SLC39A11: variants seen among roughly 807,000 people sequenced by gnomAD.
SLC39A11 encodes the protein solute carrier family 39 member 11.
A neutral mutation model predicts 36.1 loss-of-function variants in SLC39A11; 33 were observed. That is an observed-to-expected ratio of 0.91 (90% CI 0.69 to 1.22). The LOEUF is 1.22. Among genes scored for constraint, SLC39A11 ranks in the 50% most tolerant of loss-of-function variants. The pLI, the probability that SLC39A11 is intolerant of heterozygous loss-of-function variation, is 0.00. For missense variants in SLC39A11, 432 were observed against 430.3 expected, an observed-to-expected ratio of 1.00 and a Z score of -0.03; for synonymous variants, 166 against 170.3, an observed-to-expected ratio of 0.97 and a Z score of 0.20.
chr17:73,042,941 C>T (rs183620249), intron 3 of SLC39A11, among the ~76,000 whole-genome samples: 9 of 152,250 alleles, frequency 5.9e-5, no homozygotes, highest in East Asian at 1.9e-4. Context: ...GACTGTTACA[C>T]GGCCAACACT....
chr17:73,085,404 G>T (rs570750897), intron 2 of SLC39A11, among the ~76,000 whole-genome samples: 71 of 152,162 alleles, frequency 4.7e-4, no homozygotes, highest in African/African-American at 1.6e-3. Context: ...CCAGCACTTT[G>T]CGAGGCCAAG....
chr17:72,669,762 G>A (rs974358995), intron 7 of SLC39A11, among the ~76,000 whole-genome samples: 3 of 152,028 alleles, frequency 2.0e-5, no homozygotes, highest in Non-Finnish European at 2.9e-5. Flanking sequence ...GAGAGACTGA[G>A]GGGGGCAGAC....
At chr17:72,917,981 G>A (rs984073471) in intron 5 of SLC39A11, among the ~76,000 whole-genome samples, 30 of 152,294 alleles carry the variant, frequency 2.0e-4, no homozygotes, top group East Asian at 5.8e-4. Flanking sequence ...TCACCTCATC[G>A]GCACTGTTAC....
chr17:73,031,799 G>C, intron 3 of SLC39A11, 85 bp from the exon 4 acceptor site: 4 of 1,362,202 alleles, frequency 2.9e-6, no homozygotes, highest in Non-Finnish European at 4.0e-6. Context: ...CTGTGGCCCA[G>C]ATTGACCCCT....
chr17:72,718,242 G>A (rs2073491981), intron 7 of SLC39A11, among the ~76,000 whole-genome samples: 3 of 152,186 alleles, frequency 2.0e-5, no homozygotes, highest in East Asian at 3.9e-4. Context: ...GAGGTCAGGA[G>A]TTTGAGACCT....
chr17:72,720,764 C>T (rs549468541), intron 7 of SLC39A11, among the ~76,000 whole-genome samples: 111 of 152,274 alleles, frequency 7.3e-4, no homozygotes, highest in South Asian at 1.5e-3. Flanking sequence ...AACAGAGGCA[C>T]ATAAGAAAAG....
intron 7 of SLC39A11, among the ~76,000 whole-genome samples, chr17:72,656,791 G>A (rs78746125): frequency 0.11 from 16,810 of 152,068 alleles, 1,036 homozygotes; most frequent in African/African-American, 0.16. Flanking sequence ...AGCATTGGGG[G>A]AATCAGGGTT....
At chr17:72,820,786 TG>T (rs2077745976) in intron 6 of SLC39A11, among the ~76,000 whole-genome samples, 1 of 150,222 alleles carries the variant, frequency 6.7e-6, no homozygotes, top group Non-Finnish European at 1.5e-5. Flanking sequence ...GTGAAAAGAA[TG>T]GGGCAGAAAC....
At chr17:72,835,388 G>A (rs918912010) in intron 6 of SLC39A11, among the ~76,000 whole-genome samples, 4 of 152,198 alleles carry the variant, frequency 2.6e-5, no homozygotes, top group Non-Finnish European at 5.9e-5. Context: ...GTGGGTGGTA[G>A]AGTTTGGGGG....
In SLC39A11 at chr17:72,900,184, A is replaced by G. The variant is rs562958801; in HGVS notation, c.430+47568T>C. Reference sequence around the variant, plus strand: ...AAGAAAGAAAGAAAGAAAGAAAGAAAGAAAGAAAGAAAGAAAGAAAGAAAG... The same window carrying G: ...AAGAAAGAAAGAAAGAAAGAAAGAAGGAAAGAAAGAAAGAAAGAAAGAAAG... On this transcript the variant is annotated intron_variant, in intron 5 of 9. Coordinates refer to ENST00000255559, the MANE Select transcript of SLC39A11 (RefSeq NM_139177.4). 1.2e-3 allele frequency among the ~76,000 whole-genome samples: 170 copies of G among 144,116 alleles called. 23 individuals carry two copies. The highest frequency in any genetic ancestry group is 4.6e-3 in the African/African-American group (163 of 35,254). The allele number at this position is 144,116 out of a possible 152,430, so 94.5% of individuals were successfully genotyped here. A position where few individuals can be genotyped will look rare whatever the true frequency, so the allele number is the denominator to read the frequency against.
chr17:72,808,197 G>T (rs559316631), intron 6 of SLC39A11, among the ~76,000 whole-genome samples: 69 of 152,230 alleles, frequency 4.5e-4, no homozygotes, highest in Middle Eastern at 3.2e-3. Flanking sequence ...GGGCCTGTTG[G>T]GTGGGGAACT....
chr17:73,074,064 AG>A (rs1487614136), intron 3 of SLC39A11, among the ~76,000 whole-genome samples: 1 of 151,782 alleles, frequency 6.6e-6, no homozygotes, highest in Non-Finnish European at 1.5e-5. Flanking sequence ...AAAAAAAGGT[AG>A]CAGCAATTAT....
At chr17:72,932,310 A>ATTATTATTATTATTAT (rs199790501) in intron 5 of SLC39A11, among the ~76,000 whole-genome samples, 3 of 144,828 alleles carry the variant, frequency 2.1e-5, no homozygotes, top group African/African-American at 2.9e-5. Flanking sequence ...TATTATTATT[A>ATTATTATTATTATTAT]TACTTTAAGT....
At chr17:72,748,038 A>G (rs1348625078) in intron 6 of SLC39A11, among the ~76,000 whole-genome samples, 2 of 152,160 alleles carry the variant, frequency 1.3e-5, no homozygotes, top group Non-Finnish European at 2.9e-5. Context: ...TCTTATCAAT[A>G]AGGCCAGGTG....
At chr17:72,871,148 G>A (rs1466617232) in intron 5 of SLC39A11, among the ~76,000 whole-genome samples, 4 of 147,388 alleles carry the variant, frequency 2.7e-5, no homozygotes, top group Non-Finnish European at 4.5e-5. Context: ...TGCGTCTTCC[G>A]CCTCCCAAGT....
At chr17:72,747,170 A>G (rs1365863966) in intron 6 of SLC39A11, among the ~76,000 whole-genome samples, 1 of 152,144 alleles carries the variant, frequency 6.6e-6, no homozygotes, top group Non-Finnish European at 1.5e-5. Flanking sequence ...GAGGTGCTGG[A>G]CAAGCTCAGA....
chr17:72,787,105 C>G (rs932864135), intron 6 of SLC39A11, among the ~76,000 whole-genome samples: 15 of 152,142 alleles, frequency 9.9e-5, no homozygotes, highest in Non-Finnish European at 1.5e-4. Context: ...CAGGTGTGAG[C>G]CACCAAGCCT....
In SLC39A11 at chr17:72,777,557, G is replaced by A. The variant is rs192147863; in HGVS notation, c.602-40838C>T. 3.0e-3 allele frequency among the ~76,000 whole-genome samples: 432 copies of A among 142,704 alleles called. 2 individuals are homozygous for A. The highest frequency in any genetic ancestry group is 0.011 in the Middle Eastern group (3 of 270). 93.6% of individuals were successfully genotyped at this position (142,704 alleles called of 152,430 possible). A position where few individuals can be genotyped will look rare whatever the true frequency, so the allele number is the denominator to read the frequency against. On this transcript the variant is annotated intron_variant, in intron 6 of 9. Transcript: ENST00000255559. ...GAGGGGAGAAGTACATGTGAAGATG[G>A]AGGTGGCATGGGAACGATGCATCTA...
Position 72,932,200 on chromosome 17 carries a change from G to A in SLC39A11, c.430+15552C>T, listed in dbSNP as rs201616207. Among the ~76,000 whole-genome samples, 7 of 151,612 alleles carry A rather than the reference G, an allele frequency of 4.6e-5. No individual in the cohort carries two copies. The East Asian group carries it at 5.8e-4, about 13-fold the overall frequency. Reference sequence around the variant, plus strand: ...TAGCCTATCTTCCCAAAACTCCAACGTCTAGCAGCCACTAAGGAGCTGAGT... The same window carrying A: ...TAGCCTATCTTCCCAAAACTCCAACATCTAGCAGCCACTAAGGAGCTGAGT... On this transcript the variant is annotated intron_variant, in intron 5 of 9. Coordinates refer to ENST00000255559, the MANE Select transcript of SLC39A11 (RefSeq NM_139177.4).
Sources: allele counts gnomAD v4.1 joint callset (sites outside exome capture counted in the v4.1 genomes callset), GRCh38; gene constraint gnomAD v4.1.1; transcripts MANE v1.5; gene names NCBI Gene and HGNC (gene_info 2026-07-23, HGNC 2026-07-21).